The following KIRREL3 variants were observed in gnomAD, a reference collection of about 807,000 sequenced individuals.
KIRREL3 encodes kirre like nephrin family adhesion molecule 3.
A neutral mutation model predicts 89.7 loss-of-function variants in KIRREL3; 36 were observed. The ratio of observed to expected loss-of-function variants is 0.40; its 90% CI spans 0.31 to 0.53. KIRREL3 has a LOEUF of 0.53. Ranked by LOEUF, KIRREL3 falls within the 20% of genes least tolerant of loss-of-function variation. The pLI is 0.49. For missense variants in KIRREL3, 864 were observed against 1,056.6 expected (o/e 0.82, Z 2.53); for synonymous variants, 445 against 441.4 (o/e 1.01, Z -0.10).
intron 1 of KIRREL3, among the ~76,000 whole-genome samples, chr11:126,962,233 G>A (rs1949112732): frequency 6.6e-6 from 1 of 152,174 alleles, no homozygotes; most frequent in East Asian, 1.9e-4. Context: ...ATGGATATGG[G>A]CAAAGTAAAT....
At position 126,528,000 on chromosome 11, in the gene KIRREL3, T is replaced by C. The variant is rs12271417; in HGVS notation, c.134-1313A>G. 0.025 allele frequency among the ~76,000 whole-genome samples: 3,870 copies of C among 152,280 alleles called. 175 individuals are homozygous for C. Among genetic ancestry groups the C allele is most frequent in the African/African-American group, 0.088 (3,669 of 41,552 alleles). On this transcript the variant is annotated intron_variant, in intron 2 of 16. Coordinates refer to ENST00000525144, the MANE Select transcript of KIRREL3 (RefSeq NM_032531.4). This position sits in a 1 kb window ranked among gnomAD's most constrained non-coding sequence, Gnocchi z 4.2. ...ACAACCCCTCCTGTAATCCACTTAA[T>C]TATACTTCAGGGCAGAAAAAGCCCC...
rs546996585 is a variant in KIRREL3, at chr11:126,907,845, C to T, written c.55+92610G>A. Reference sequence around the variant, plus strand: ...AACCACACTGAACTTTTGAGTTCCCCCATCAAGTCCAGGCCCTTTCCTCCT... The same window carrying T: ...AACCACACTGAACTTTTGAGTTCCCTCATCAAGTCCAGGCCCTTTCCTCCT... On this transcript the variant is annotated intron_variant, in intron 1 of 16. Coordinates refer to ENST00000525144, the MANE Select transcript of KIRREL3 (RefSeq NM_032531.4). Among the ~76,000 whole-genome samples, 24 of 152,234 alleles carry T rather than the reference C, an allele frequency of 1.6e-4. No homozygotes were observed. In the South Asian group the frequency reaches 5.0e-3, roughly 32 times the overall value.
rs1340789146 is a variant in KIRREL3 at position 126,906,286 on chromosome 11, G to T, written c.55+94169C>A. On this transcript the variant is annotated intron_variant, in intron 1 of 16. Coordinates refer to ENST00000525144, the MANE Select transcript of KIRREL3 (RefSeq NM_032531.4). The surrounding 1 kb of genome is among the most constrained non-coding windows in gnomAD (Gnocchi z 4.1). ...CCAGTCTCGGAAATCCAAACCTCAC[G>T]CCTTGTGTGACTGATGAGCCACTTT... is the stretch of plus-strand genomic sequence containing the variant. Among the ~76,000 whole-genome samples, 2 of 152,176 alleles carry T rather than the reference G, an allele frequency of 1.3e-5. No homozygotes were observed. The highest frequency in any genetic ancestry group is 2.9e-5 in the Non-Finnish European group (2 of 68,032).
At chr11:126,856,648 C>T (rs1331037065) in intron 1 of KIRREL3, among the ~76,000 whole-genome samples, 28 of 150,010 alleles carry the variant, frequency 1.9e-4, no homozygotes, top group South Asian at 6.3e-4. Flanking sequence ...CCGAGTCTCG[C>T]TCTGTCGCCC....
chr11:126,927,652 G>A (rs982792354), intron 1 of KIRREL3, among the ~76,000 whole-genome samples: 1 of 152,188 alleles, frequency 6.6e-6, no homozygotes. Context: ...GAAAAGCAAC[G>A]AAGATTTCCA....
In KIRREL3 at chr11:126,522,808, T is replaced by G. The variant is rs1001048800; in HGVS notation, c.284-1344A>C. Among the ~76,000 whole-genome samples, 7 of 152,176 alleles carry G rather than the reference T, an allele frequency of 4.6e-5. No individual in the cohort carries two copies. The highest frequency in any genetic ancestry group is 3.9e-4 in the Admixed American group (6 of 15,280). ...GTCTTTCATCTCTGTCCCGGTTCCCTTCTCTCCTCAGAGGCTGCCCTCGGC... is the reference window on the plus strand; with the variant it reads ...GTCTTTCATCTCTGTCCCGGTTCCCGTCTCTCCTCAGAGGCTGCCCTCGGC... On this transcript the variant is annotated intron_variant, in intron 3 of 16. Transcript: ENST00000525144. The surrounding 1 kb of genome is among the most constrained non-coding windows in gnomAD (Gnocchi z 6.0).
In KIRREL3 at chr11:126,551,529, C is replaced by A. The variant is rs545775404; in HGVS notation, c.133+11306G>T. On this transcript the variant is annotated intron_variant, in intron 2 of 16. Coordinates refer to ENST00000525144, the MANE Select transcript of KIRREL3 (RefSeq NM_032531.4). This position sits in a 1 kb window ranked among gnomAD's most constrained non-coding sequence, Gnocchi z 4.9. Reference sequence around the variant, plus strand: ...CTAGATACATCATCACGCCTCAGGCCATGCCCTGACTTTCAACCACTGATC... The same window carrying A: ...CTAGATACATCATCACGCCTCAGGCAATGCCCTGACTTTCAACCACTGATC... 1.3e-5 allele frequency among the ~76,000 whole-genome samples: 2 copies of A among 152,304 alleles called. No homozygotes were observed. The highest frequency in any genetic ancestry group is 6.5e-5 in the Admixed American group (1 of 15,306).
intron 1 of KIRREL3, among the ~76,000 whole-genome samples, chr11:126,833,728 G>C (rs1943687164): frequency 6.6e-6 from 1 of 152,202 alleles, no homozygotes; most frequent in Non-Finnish European, 1.5e-5. Flanking sequence ...ACAGCTCCCT[G>C]CTGCTGTTCA....
rs1950544215 is a variant in KIRREL3 at position 126,788,417 on chromosome 11, GCTT to G, written c.55+212035_55+212037del. On this transcript the variant is annotated intron_variant, in intron 1 of 16. Transcript: ENST00000525144. The surrounding 1 kb of genome is among the most constrained non-coding windows in gnomAD (Gnocchi z 4.1). ...GGTTTTGAGACTGAGACAGGGCTGT[GCTT>G]CTTCCCTTGCCTCCTCTGTCCATGT... 6.6e-6 allele frequency among the ~76,000 whole-genome samples: 1 copy of G among 152,190 alleles called. No homozygotes were observed. Among genetic ancestry groups the G allele is most frequent in the African/African-American group, 2.4e-5 (1 of 41,450 alleles).
At position 126,642,139 on chromosome 11, in the gene KIRREL3, G is replaced by T. The variant is rs966790483; in HGVS notation, c.56-79227C>A. 6.6e-6 allele frequency among the ~76,000 whole-genome samples: 1 copy of T among 152,186 alleles called. No individual in the cohort carries two copies. The highest frequency in any genetic ancestry group is 6.5e-5 in the Admixed American group (1 of 15,278). ...GGGTGGATCTCCATAACCCATGGGA[G>T]GGGAGGGACCTCCAACAATCTTGTT... On this transcript the variant is annotated intron_variant, in intron 1 of 16. Transcript: ENST00000525144. This position sits in a 1 kb window ranked among gnomAD's most constrained non-coding sequence, Gnocchi z 4.9.
rs1940266909 is a variant in KIRREL3 at position 126,563,315 on chromosome 11, G to T, written c.56-403C>A. 6.6e-6 allele frequency among the ~76,000 whole-genome samples: 1 copy of T among 152,168 alleles called. No individual in the cohort carries two copies. The highest frequency in any genetic ancestry group is 2.4e-5 in the African/African-American group (1 of 41,432). On this transcript the variant is annotated intron_variant, in intron 1 of 16. Coordinates refer to ENST00000525144, the MANE Select transcript of KIRREL3 (RefSeq NM_032531.4). This position sits in a 1 kb window ranked among gnomAD's most constrained non-coding sequence, Gnocchi z 6.8. Reference sequence around the variant, plus strand: ...GGGGACTATGCTCAGATCAACTTGGGACTGTGGCCAGACCTGCCAGGGATG... The same window carrying T: ...GGGGACTATGCTCAGATCAACTTGGTACTGTGGCCAGACCTGCCAGGGATG...
In KIRREL3 at chr11:126,807,543, G is replaced by A. The variant is rs888006259; in HGVS notation, c.55+192912C>T. On this transcript the variant is annotated intron_variant, in intron 1 of 16. Coordinates refer to ENST00000525144, the MANE Select transcript of KIRREL3 (RefSeq NM_032531.4). This position sits in a 1 kb window ranked among gnomAD's most constrained non-coding sequence, Gnocchi z 4.3. The stretch of plus-strand genomic sequence containing the variant: ...AATCTCCCAGTGATATGTGCACCAC[G>A]GTAGGGAACACAGGTTTCGTGCATT... Among the ~76,000 whole-genome samples, 1 of 152,254 alleles carries A rather than the reference G, an allele frequency of 6.6e-6. No homozygotes were observed. Among genetic ancestry groups the A allele is most frequent in the East Asian group, 1.9e-4 (1 of 5,180 alleles).
Position 126,668,657 on chromosome 11 carries a change from TC to T in KIRREL3, c.56-105746del, listed in dbSNP as rs1277897613. ...TTCTCAGATAGCATGCCATTTGCTG[TC>T]TCAAATCTATAAAGAGCTGTTGGGA... On this transcript the variant is annotated intron_variant, in intron 1 of 16. Transcript: ENST00000525144. The surrounding 1 kb of genome is among the most constrained non-coding windows in gnomAD (Gnocchi z 4.4). Among the ~76,000 whole-genome samples, 1 of 152,184 alleles carries T rather than the reference TC, an allele frequency of 6.6e-6. No individual in the cohort carries two copies. Among genetic ancestry groups the T allele is most frequent in the Non-Finnish European group, 1.5e-5 (1 of 68,030 alleles).
chr11:126,820,129 C>A lies in KIRREL3; in HGVS notation c.55+180326G>T, dbSNP rs561872670. ...ACACCAATGAACAGAGCAGAAAAAT[C>A]CCCCTGCCCCATTCATTTTGTTCAT... On this transcript the variant is annotated intron_variant, in intron 1 of 16. Transcript: ENST00000525144. 6.5e-4 allele frequency among the ~76,000 whole-genome samples: 99 copies of A among 152,282 alleles called. 2 individuals carry two copies. Among genetic ancestry groups the A allele is most frequent in the Admixed American group, 5.2e-4 (8 of 15,302 alleles).
chr11:126,868,756 G>A (rs1368976017), intron 1 of KIRREL3, among the ~76,000 whole-genome samples: 2 of 152,028 alleles, frequency 1.3e-5, no homozygotes, highest in African/African-American at 2.4e-5. Context: ...TGCTATAACC[G>A]AATACCATAC....
chr11:126,470,099 C>T (rs939375162), intron 5 of KIRREL3, among the ~76,000 whole-genome samples: 1 of 152,194 alleles, frequency 6.6e-6, no homozygotes, highest in African/African-American at 2.4e-5. Context: ...ACAATGTAGA[C>T]AAGGATGACA....
In KIRREL3 at chr11:126,508,780, C is replaced by T. The variant is rs995887903; in HGVS notation, c.433+12535G>A. Among the ~76,000 whole-genome samples the T allele has an allele frequency of 6.6e-6, 1 of 152,182 alleles. No individual in the cohort carries two copies. Among genetic ancestry groups the T allele is most frequent in the Non-Finnish European group, 1.5e-5 (1 of 68,042 alleles). ...ATGAGCCTCTATGTCTCAGCTTCCT[C>T]GTCCGTAAAAGGGGACACGGGACCT... On this transcript the variant is annotated intron_variant, in intron 4 of 16. Transcript: ENST00000525144. This position sits in a 1 kb window ranked among gnomAD's most constrained non-coding sequence, Gnocchi z 4.9.
rs1252682298 is a variant in KIRREL3 at position 126,740,965 on chromosome 11, A to G, written c.56-178053T>C. Among the ~76,000 whole-genome samples, 2 of 152,188 alleles carry G rather than the reference A, an allele frequency of 1.3e-5. No homozygotes were observed. Among genetic ancestry groups the G allele is most frequent in the Non-Finnish European group, 1.5e-5 (1 of 68,032 alleles). On this transcript the variant is annotated intron_variant, in intron 1 of 16. Coordinates refer to ENST00000525144, the MANE Select transcript of KIRREL3 (RefSeq NM_032531.4). This position sits in a 1 kb window ranked among gnomAD's most constrained non-coding sequence, Gnocchi z 6.0. ...TCAGATAGTGCTTACTTTGGGGCTG[A>G]GTGAGAATAGGAAAGTGGCAGAACA...
chr11:126,795,662 G>T lies in KIRREL3; in HGVS notation c.55+204793C>A, dbSNP rs772976684. ...GCCTCCCCAAGTGCCAGGATTACAG[G>T]AGTGAGCCACTGTGCCTGGCCAGAA... On this transcript the variant is annotated intron_variant, in intron 1 of 16. Coordinates refer to ENST00000525144, the MANE Select transcript of KIRREL3 (RefSeq NM_032531.4). The surrounding 1 kb of genome is among the most constrained non-coding windows in gnomAD (Gnocchi z 4.1). Among the ~76,000 whole-genome samples the T allele has an allele frequency of 6.6e-6, 1 of 152,168 alleles. No individual in the cohort carries two copies. Among genetic ancestry groups the T allele is most frequent in the Non-Finnish European group, 1.5e-5 (1 of 68,040 alleles).
Sources: allele counts gnomAD v4.1 joint callset (sites outside exome capture counted in the v4.1 genomes callset), GRCh38; gene constraint gnomAD v4.1.1; non-coding constraint Gnocchi (gnomAD v3.1); transcripts MANE v1.5; gene names NCBI Gene and HGNC (gene_info 2026-07-23, HGNC 2026-07-21).